AFG1L: variants seen among roughly 807,000 people sequenced by gnomAD.
The protein encoded by AFG1L is AFG1-like ATPase.
AFG1L carries 53 observed loss-of-function variants against 62.2 expected under a neutral mutation model. The ratio of observed to expected loss-of-function variants is 0.85; its 90% CI spans 0.68 to 1.07. The LOEUF (loss-of-function observed/expected upper bound fraction) is 1.07, where lower values mean the gene tolerates loss of function less well. Ranked by LOEUF, AFG1L falls within the 50% of genes least tolerant of loss-of-function variation. The pLI, the probability that AFG1L is intolerant of heterozygous loss-of-function variation, is 0.00. For missense variants in AFG1L, 555 were observed against 590.5 expected, an observed-to-expected ratio of 0.94 and a Z score of 0.62; for synonymous variants, 228 against 210.3, an observed-to-expected ratio of 1.08 and a Z score of -0.73.
intron 5 of AFG1L, among the ~76,000 whole-genome samples, chr6:108,362,534 A>G (rs1275946290): frequency 6.6e-6 from 1 of 152,200 alleles, no homozygotes; most frequent in African/African-American, 2.4e-5. Context: ...ACTAGCATAT[A>G]TACCATACAT....
At chr6:108,427,800 G>A (rs986028823) in intron 7 of AFG1L, among the ~76,000 whole-genome samples, 1 of 152,150 alleles carries the variant, frequency 6.6e-6, no homozygotes, top group African/African-American at 2.4e-5. Context: ...GGGATTACAG[G>A]CGTGAGCCAC....
intron 10 of AFG1L, among the ~76,000 whole-genome samples, chr6:108,498,332 G>A (rs1419304317): frequency 6.6e-6 from 1 of 152,200 alleles, no homozygotes; most frequent in Non-Finnish European, 1.5e-5. Flanking sequence ...ACTATAATCA[G>A]ATGACCCCTC....
intron 8 of AFG1L, among the ~76,000 whole-genome samples, chr6:108,465,402 C>T (rs1367867196): frequency 1.3e-5 from 2 of 152,092 alleles, no homozygotes; most frequent in African/African-American, 4.8e-5. Flanking sequence ...ATTTTAATCA[C>T]TGTTTGTATT....
intron 5 of AFG1L, among the ~76,000 whole-genome samples, chr6:108,357,439 C>T (rs540845339): frequency 2.0e-5 from 3 of 152,058 alleles, no homozygotes; most frequent in Non-Finnish European, 4.4e-5. Context: ...GAAGAAAGTA[C>T]AAAAGAGACC....
rs776505584 is a variant in AFG1L, at chr6:108,385,505, C to T, written c.749-16491C>T. 9.2e-5 allele frequency among the ~76,000 whole-genome samples: 14 copies of T among 152,218 alleles called. 1 individual carries two copies. Among genetic ancestry groups the T allele is most frequent in the Non-Finnish European group, 1.9e-4 (13 of 68,050 alleles). On this transcript the variant is annotated intron_variant, in intron 6 of 12. Transcript: ENST00000368977. ...CCCATAAGGAATACTTGTAGTTAAT[C>T]TATAATCCATAGAAAAAATGCTTAT...
At chr6:108,458,442 A>G (rs748605953) in intron 8 of AFG1L, among the ~76,000 whole-genome samples, 28 of 151,774 alleles carry the variant, frequency 1.8e-4, no homozygotes, top group Non-Finnish European at 2.2e-4. Flanking sequence ...TAGAGGTGGC[A>G]TTTTTCCTTT....
intron 1 of AFG1L, among the ~76,000 whole-genome samples, chr6:108,301,584 A>G (rs1220472567): frequency 6.6e-6 from 1 of 152,274 alleles, no homozygotes; most frequent in Non-Finnish European, 1.5e-5. Flanking sequence ...ACAAAAGGTG[A>G]TATCTAGAAG....
chr6:108,300,817 C>T (rs1409722899), intron 1 of AFG1L, among the ~76,000 whole-genome samples: 2 of 151,974 alleles, frequency 1.3e-5, no homozygotes, highest in East Asian at 1.9e-4. Flanking sequence ...GGACTACAGG[C>T]GCACGCCATC....
At chr6:108,503,441 C>T (rs145985080) in intron 10 of AFG1L, among the ~76,000 whole-genome samples, 12 of 152,248 alleles carry the variant, frequency 7.9e-5, no homozygotes, top group Non-Finnish European at 1.5e-4. Flanking sequence ...CTTGGGTGAC[C>T]GAGTGCATTG....
At chr6:108,458,893 T>A (rs1051605783) in intron 8 of AFG1L, among the ~76,000 whole-genome samples, 1 of 152,218 alleles carries the variant, frequency 6.6e-6, no homozygotes, top group African/African-American at 2.4e-5. Context: ...GAGACTTTGT[T>A]CTGGGACACA....
intron 6 of AFG1L, among the ~76,000 whole-genome samples, chr6:108,378,022 T>A (rs1780324102): frequency 6.6e-6 from 1 of 151,536 alleles, no homozygotes; most frequent in African/African-American, 2.4e-5. Flanking sequence ...TACTTATTTT[T>A]AAAAATTCTT....
At chr6:108,389,367 G>T (rs1307702156) in intron 6 of AFG1L, among the ~76,000 whole-genome samples, 3 of 152,044 alleles carry the variant, frequency 2.0e-5, no homozygotes, top group African/African-American at 7.2e-5. Context: ...GGAGCATTTA[G>T]TCCATTTACA....
intron 2 of AFG1L, among the ~76,000 whole-genome samples, chr6:108,336,897 A>C (rs895809848): frequency 2.6e-5 from 4 of 152,262 alleles, no homozygotes; most frequent in Admixed American, 2.6e-4. Flanking sequence ...ACGCCTAACA[A>C]GGACCTTTTC....
intron 1 of AFG1L, among the ~76,000 whole-genome samples, chr6:108,313,720 T>G (rs1361048195): frequency 1.3e-5 from 2 of 151,982 alleles, no homozygotes; most frequent in Non-Finnish European, 2.9e-5. Context: ...TTGTATTTTT[T>G]GTAGAGACGG....
At chr6:108,465,361 A>G (rs1772624431) in intron 8 of AFG1L, among the ~76,000 whole-genome samples, 2 of 152,334 alleles carry the variant, frequency 1.3e-5, no homozygotes, top group South Asian at 4.1e-4. Context: ...AGGCTGGAAT[A>G]TCTTTCAATT....
intron 1 of AFG1L, among the ~76,000 whole-genome samples, chr6:108,312,968 A>C (rs1777468702): frequency 1.3e-5 from 2 of 152,196 alleles, no homozygotes; most frequent in Admixed American, 1.3e-4. Context: ...GCAGCAGTCC[A>C]GGTATCCTGA....
intron 2 of AFG1L, among the ~76,000 whole-genome samples, chr6:108,339,435 C>G (rs569839752): frequency 6.5e-4 from 98 of 150,712 alleles, no homozygotes; most frequent in Non-Finnish European, 1.2e-3. Context: ...CCACTGCACC[C>G]AGGCAGAAAA....
intron 5 of AFG1L, among the ~76,000 whole-genome samples, chr6:108,362,764 T>A (rs1779597075): frequency 6.6e-6 from 1 of 152,168 alleles, no homozygotes; most frequent in African/African-American, 2.4e-5. Context: ...TGCTATACAT[T>A]TTCCTTAGTA....
chr6:108,396,463 T>C (rs1412217516), intron 6 of AFG1L, among the ~76,000 whole-genome samples: 1 of 152,158 alleles, frequency 6.6e-6, no homozygotes, highest in Non-Finnish European at 1.5e-5. Flanking sequence ...TTTCTGTGGA[T>C]ACATAGTGGG....
Sources: allele counts gnomAD v4.1 joint callset (sites outside exome capture counted in the v4.1 genomes callset), GRCh38; gene constraint gnomAD v4.1.1; transcripts MANE v1.5; gene names NCBI Gene and HGNC (gene_info 2026-07-23, HGNC 2026-07-21).